ELF4: variants seen among roughly 807,000 people sequenced by gnomAD.
ELF4 encodes ETS-related transcription factor Elf-4.
Under a neutral mutation model 31.7 loss-of-function variants are expected in ELF4, and 10 were observed. That is an observed-to-expected ratio of 0.32 (90% CI 0.19 to 0.54). ELF4 has a LOEUF of 0.54. Among genes scored for constraint, ELF4 ranks in the 20% least tolerant of loss-of-function variants. ELF4 has a pLI of 0.95. For missense variants in ELF4, 418 were observed against 522.0 expected (o/e 0.80, Z 1.94); for synonymous variants, 208 against 226.7 (o/e 0.92, Z 0.74).
chrX:130,067,373 A>C lies in ELF4; in HGVS notation c.1340T>G (p.Val447Gly). 1 of 1,212,033 alleles carries C rather than the reference A, an allele frequency of 8.3e-7. No individual in the cohort carries two copies. Among genetic ancestry groups the C allele is most frequent in the South Asian group, 1.8e-5 (1 of 57,020 alleles). The change falls in exon 9 of 9, where the codon GTT (valine) becomes GGT (glycine). Residue 447 changes from valine (V) to glycine (G), a missense_variant. Val to Gly is a moderately radical substitution (Grantham distance 109, BLOSUM62 -3). Coordinates refer to ENST00000308167, the MANE Select transcript of ELF4 (RefSeq NM_001421.4). ...TAPTQLVLQSVPAASTFKDTF... is the reference protein window; with the variant it reads ...TAPTQLVLQSGPAASTFKDTF... ...GTCCTTGAAAGTAGAGGCCGCTGGA[A>C]CACTCTGGAGAACGAGCTGAGTGGG...
intron 1 of ELF4, among the ~76,000 whole-genome samples, chrX:130,108,722 G>T (rs1421200289): frequency 1.8e-5 from 2 of 110,596 alleles, no homozygotes; most frequent in Non-Finnish European, 3.8e-5. Flanking sequence ...GCACAGGGAG[G>T]AATGCCAGAC....
intron 1 of ELF4, among the ~76,000 whole-genome samples, chrX:130,090,124 A>G (rs1212658372): frequency 2.7e-5 from 3 of 110,143 alleles, no homozygotes; most frequent in African/African-American, 9.9e-5. Context: ...CTGTAATCCT[A>G]GCACTTTGGG....
chrX:130,076,720 T>C, intron 2 of ELF4, among the ~76,000 whole-genome samples: 1 of 112,496 alleles, frequency 8.9e-6, no homozygotes, highest in Non-Finnish European at 1.9e-5. Context: ...CGTAAGCCAC[T>C]GTGCCTGGCC....
chrX:130,074,103 C>G lies in ELF4; in HGVS notation c.286G>C (p.Glu96Gln). ...EATSHTMSTA[E>Q]VLLNMESPSD... ...GGAGACTCCATATTGAGTAAGACTT[C>G]CGCGGTTGACATGGTGTGCGAGGTG... Residue 96 changes from glutamate (E) to glutamine (Q), a missense_variant, in exon 4 of 9, where the codon GAA (glutamate) becomes CAA (glutamine). Coordinates refer to ENST00000308167, the MANE Select transcript of ELF4 (RefSeq NM_001421.4). The G allele has an allele frequency of 1.7e-6, 2 of 1,211,642 alleles. No homozygotes were observed. The highest frequency in any genetic ancestry group is 2.2e-6 in the Non-Finnish European group (2 of 895,525).
At chrX:130,109,785 G>A (rs1238410451) in intron 1 of ELF4, among the ~76,000 whole-genome samples, 1 of 113,167 alleles carries the variant, frequency 8.8e-6, no homozygotes, top group East Asian at 2.8e-4. Context: ...GGGAGAGTCG[G>A]GGAGAGCGGG....
At chrX:130,107,409 A>T (rs966991975) in intron 1 of ELF4, among the ~76,000 whole-genome samples, 3 of 111,976 alleles carry the variant, frequency 2.7e-5, no homozygotes, top group Admixed American at 9.5e-5. Flanking sequence ...CAGGGTCTTC[A>T]GGCAAAGAGA....
Position 130,067,193 on chromosome X carries a change from G to A in ELF4, c.1520C>T (p.Ala507Val), listed in dbSNP as rs755924417. The change falls in exon 9 of 9, where the codon GCT becomes GTT. Residue 507 changes from alanine (A) to valine (V), a missense_variant. Physicochemically the swap from Ala to Val is moderately conservative, Grantham distance 64. Around this residue, in one of 4 missense-constraint regions of ELF4, gnomAD observed 260 missense variants for 269.2 expected, o/e 0.97. Transcript: ENST00000308167. ...TNPAPPTVTG[A>V]GPAGPSSQPP... ...CTGAGAGCTGGGCCCTGCTGGTCCA[G>A]CCCCTGTGACCGTGGGTGGCGCCGG... 45 of 1,208,534 alleles carry A rather than the reference G, an allele frequency of 3.7e-5. No individual in the cohort carries two copies. In the South Asian group the frequency reaches 7.2e-4, roughly 19 times the overall value.
intron 3 of ELF4, 25 bp from the exon 4 acceptor site, chrX:130,074,166 G>A (rs751042857): frequency 2.5e-5 from 30 of 1,205,883 alleles, no homozygotes; most frequent in Non-Finnish European, 3.3e-5. Context: ...ATGGTGGGAG[G>A]AGAGAAGAAA....
intron 5 of ELF4, 47 bp from the exon 6 acceptor site, chrX:130,071,466 G>T (rs1199146662): frequency 8.6e-7 from 1 of 1,165,691 alleles, no homozygotes; most frequent in Admixed American, 2.2e-5. Flanking sequence ...CCAAGAGAGG[G>T]CCCGGGAGCT....
Position 130,073,048 on chromosome X carries a change from TAGG to T in ELF4, c.341-634_341-632del, listed in dbSNP as rs757499074. On this transcript the variant is annotated intron_variant, in intron 4 of 8. Transcript: ENST00000308167. ...CTGCCTTGGGGGCCCTCTGGGGAGT[TAGG>T]AGCCTGGTAGGATGGGCAAGGATCA... is the stretch of plus-strand genomic sequence containing the variant. 1.0e-3 allele frequency among the ~76,000 whole-genome samples: 112 copies of T among 111,936 alleles called. 1 individual carries two copies. The highest frequency in any genetic ancestry group is 4.9e-3 in the Admixed American group (52 of 10,569).
In ELF4 at chrX:130,094,563, C is replaced by T. The variant is rs1183292939; in HGVS notation, c.-209-13024G>A. On this transcript the variant is annotated intron_variant, in intron 1 of 8. Transcript: ENST00000308167. ...GCCTGGGTGACAGAGGAGACTCCAT[C>T]TCAAAAAAAAAAAAAGAGAGAGAGA... Among the ~76,000 whole-genome samples, 3 of 106,265 alleles carry T rather than the reference C, an allele frequency of 2.8e-5. No homozygotes were observed. In the East Asian group the frequency reaches 8.9e-4, roughly 31 times the overall value. The allele number at this position is 106,265 out of a possible 115,157, so 92.3% of individuals were successfully genotyped here.
At position 130,080,893 on chromosome X, in the gene ELF4, G is replaced by A. The variant is rs944186721; in HGVS notation, c.75+363C>T. On this transcript the variant is annotated intron_variant, in intron 2 of 8. Transcript: ENST00000308167. ...TTCTCACTGTGACACTTTGAGAGAA[G>A]AGAAGTGGCCGAAAAATGCATCTGA... Among the ~76,000 whole-genome samples, 3 of 112,753 alleles carry A rather than the reference G, an allele frequency of 2.7e-5. No individual in the cohort carries two copies. In the Admixed American group the frequency reaches 2.8e-4, roughly 11 times the overall value.
chrX:130,068,678 G>A (rs1166978135), intron 8 of ELF4, among the ~76,000 whole-genome samples: 2 of 112,774 alleles, frequency 1.8e-5, no homozygotes, highest in East Asian at 2.8e-4. Context: ...GAGGTCCCAA[G>A]GGGCTCACAG....
chrX:130,085,505 C>G (rs1217166883), intron 1 of ELF4, among the ~76,000 whole-genome samples: 2 of 111,985 alleles, frequency 1.8e-5, no homozygotes, highest in Non-Finnish European at 3.8e-5. Flanking sequence ...ATCTGGGCCT[C>G]CCTTACAGGA....
Position 130,066,209 on chromosome X carries a change from C to A in ELF4, c.*512G>T, listed in dbSNP as rs1030024238. The A allele has an allele frequency of 5.7e-6, 1 of 176,747 alleles. No homozygotes were observed. The highest frequency in any genetic ancestry group is 2.9e-5 in the African/African-American group (1 of 33,959). The allele number at this position is 176,747 out of a possible 1,213,427, so 14.6% of individuals were successfully genotyped here. A position where few individuals can be genotyped will look rare whatever the true frequency, so the allele number is the denominator to read the frequency against. On this transcript the variant is annotated 3_prime_UTR_variant, in exon 9 of 9. Coordinates refer to ENST00000308167, the MANE Select transcript of ELF4 (RefSeq NM_001421.4). Reference sequence around the variant, plus strand: ...TTTCCCTTAAAAACAAAATCCCTATCCCTGTGGCTGATCCACGGAGACATA... The same window carrying A: ...TTTCCCTTAAAAACAAAATCCCTATACCTGTGGCTGATCCACGGAGACATA...
intron 1 of ELF4, among the ~76,000 whole-genome samples, chrX:130,082,647 G>A (rs941475832): frequency 9.0e-6 from 1 of 111,288 alleles, no homozygotes; most frequent in African/African-American, 3.3e-5. Context: ...CCTCAGGGCT[G>A]TCAGTGCCCG....
intron 1 of ELF4, among the ~76,000 whole-genome samples, chrX:130,092,452 G>A (rs916274400): frequency 8.9e-6 from 1 of 112,696 alleles, no homozygotes; most frequent in South Asian, 3.6e-4. Flanking sequence ...CCCAGTGGCA[G>A]GTCTACCAGA....
At chrX:130,105,514 G>C (rs918895047) in intron 1 of ELF4, among the ~76,000 whole-genome samples, 1 of 111,416 alleles carries the variant, frequency 9.0e-6, no homozygotes, top group African/African-American at 3.3e-5. Context: ...ATGTCCGGGA[G>C]TTTTTTATCC....
intron 2 of ELF4, among the ~76,000 whole-genome samples, chrX:130,077,939 T>C (rs1286133393): frequency 8.9e-6 from 1 of 112,023 alleles, no homozygotes; most frequent in African/African-American, 3.2e-5. Flanking sequence ...CTAAATATGA[T>C]TTATGCACCC....
Sources: allele counts gnomAD v4.1 joint callset (sites outside exome capture counted in the v4.1 genomes callset), GRCh38; gene constraint gnomAD v4.1.1; regional missense constraint gnomAD v4.1.1; transcripts MANE v1.5; gene names NCBI Gene and HGNC (gene_info 2026-07-23, HGNC 2026-07-21).